C1GALT1: variants seen among roughly 807,000 people sequenced by gnomAD.
C1GALT1 encodes core 1 synthase, glycoprotein-N-acetylgalactosamine 3-beta-galactosyltransferase 1, also known as glycoprotein-N-acetylgalactosamine 3-beta-galactosyltransferase 1.
In C1GALT1, 11 loss-of-function variants were observed where a neutral mutation model predicts 31.0. The observed-to-expected ratio is 0.36, with a 90% CI of 0.22 to 0.59. The LOEUF is 0.59. Among genes scored for constraint, C1GALT1 ranks in the 20% least tolerant of loss-of-function variants. The pLI, the probability that C1GALT1 is intolerant of heterozygous loss-of-function variation, is 0.79. For missense variants in C1GALT1, 424 were observed against 425.2 expected, an observed-to-expected ratio of 1.00 and a Z score of 0.03; for synonymous variants, 175 against 143.6, an observed-to-expected ratio of 1.22 and a Z score of -1.56.
intron 1 of C1GALT1, among the ~76,000 whole-genome samples, chr7:7,208,546 A>G (rs1781852975): frequency 6.6e-6 from 1 of 152,172 alleles, no homozygotes; most frequent in Non-Finnish European, 1.5e-5. Flanking sequence ...CCTAAAAAAA[A>G]AGGAAAAGGA....
intron 1 of C1GALT1, 59 bp downstream of exon 1, chr7:7,182,879 TC>T: frequency 2.0e-6 from 2 of 976,378 alleles, no homozygotes; most frequent in Non-Finnish European, 2.4e-6. Context: ...CCCCTCGCCC[TC>T]CCCCCTCTCC....
At chr7:7,230,501 A>G (rs531890997) in intron 1 of C1GALT1, among the ~76,000 whole-genome samples, 14 of 151,994 alleles carry the variant, frequency 9.2e-5, no homozygotes, top group African/African-American at 2.9e-4. Context: ...CTGGCTGGCA[A>G]TCTTTATTTT....
At chr7:7,236,105 A>G (rs568507582) in intron 2 of C1GALT1, among the ~76,000 whole-genome samples, 1 of 152,346 alleles carries the variant, frequency 6.6e-6, no homozygotes, top group Admixed American at 6.5e-5. Context: ...TTCCTTCAGC[A>G]CATTGAATCC....
At chr7:7,190,061 G>T (rs560969822) in intron 1 of C1GALT1, among the ~76,000 whole-genome samples, 12 of 152,178 alleles carry the variant, frequency 7.9e-5, no homozygotes, top group Admixed American at 7.8e-4. Context: ...AGACCACCAG[G>T]GACACATCTG....
Position 7,238,519 on chromosome 7 carries a change from C to G in C1GALT1, c.485C>G (p.Ala162Gly). The change falls in exon 3 of 4, where the codon GCT becomes GGT. Residue 162 changes from alanine to glycine, a missense_variant. By Grantham distance (60) the Ala-to-Gly change is moderately conservative (BLOSUM62 0). This residue lies in a region of C1GALT1 where 44 missense variants were observed against 78.3 expected (regional missense o/e 0.56). Coordinates refer to ENST00000436587, the MANE Select transcript of C1GALT1 (RefSeq NM_020156.5). The surrounding 1 kb of genome is among the most constrained non-coding windows in gnomAD (Gnocchi z 5.2). ...GTTCATGAACATTATTTAGAAGATG[C>G]TGATTGGTTTTTGAAAGCAGATGAT... ...QYVHEHYLED[A>G]DWFLKADDDT... 6 of 1,614,086 alleles carry G rather than the reference C, an allele frequency of 3.7e-6. No individual in the cohort carries two copies. The highest frequency in any genetic ancestry group is 4.2e-6 in the Non-Finnish European group (5 of 1,179,980).
At chr7:7,206,606 G>A (rs543208336) in intron 1 of C1GALT1, among the ~76,000 whole-genome samples, 99 of 151,724 alleles carry the variant, frequency 6.5e-4, no homozygotes, top group Non-Finnish European at 1.2e-3. Flanking sequence ...AAACCAGGAG[G>A]CGGTGGTTGC....
chr7:7,247,088 G>T lies in C1GALT1; in HGVS notation c.*3361G>T, dbSNP rs1263865250. ...AGTGTCATCAAAAAGGTCCACAATT[G>T]TTAGTAAAAAAAATTAAATTGAAGT... On this transcript the variant is annotated 3_prime_UTR_variant, in exon 4 of 4. Coordinates refer to ENST00000436587, the MANE Select transcript of C1GALT1 (RefSeq NM_020156.5). 1 of 151,984 alleles carries T rather than the reference G, an allele frequency of 6.6e-6. No individual in the cohort carries two copies. 9.4% of individuals were successfully genotyped at this position (151,984 alleles called of 1,614,324 possible). A position where few individuals can be genotyped will look rare whatever the true frequency, so the allele number is the denominator to read the frequency against.
chr7:7,174,020 C>T (rs1780479838), intron 2 of C1GALT1, among the ~76,000 whole-genome samples: 3 of 152,146 alleles, frequency 2.0e-5, no homozygotes. Flanking sequence ...CTGCCAAATT[C>T]ACTTTCTGGT....
chr7:7,189,368 A>G (rs553176096), intron 1 of C1GALT1, among the ~76,000 whole-genome samples: 116 of 152,308 alleles, frequency 7.6e-4, no homozygotes, highest in African/African-American at 2.7e-3. Flanking sequence ...AAAAGACAGT[A>G]AAAGTATGTA....
chr7:7,194,333 C>T (rs1781197362), intron 1 of C1GALT1, among the ~76,000 whole-genome samples: 1 of 151,856 alleles, frequency 6.6e-6, no homozygotes, highest in African/African-American at 2.4e-5. Context: ...CTTTTATTAC[C>T]TTAAGGCATC....
intron 1 of C1GALT1, among the ~76,000 whole-genome samples, chr7:7,185,159 TGAAAG>T (rs1780756777): frequency 1.3e-5 from 2 of 152,138 alleles, no homozygotes; most frequent in South Asian, 4.1e-4. Context: ...TGGGGGAAAC[TGAAAG>T]GAAAGTCTAA....
intron 1 of C1GALT1, among the ~76,000 whole-genome samples, chr7:7,228,444 G>T (rs958284923): frequency 1.3e-5 from 2 of 152,084 alleles, no homozygotes; most frequent in Non-Finnish European, 2.9e-5. Flanking sequence ...CCAATTCAAA[G>T]AAATAGTATT....
At chr7:7,189,999 T>C (rs531276393) in intron 1 of C1GALT1, among the ~76,000 whole-genome samples, 47 of 152,264 alleles carry the variant, frequency 3.1e-4, no homozygotes, top group African/African-American at 1.1e-3. Flanking sequence ...TTGTTTTCCA[T>C]AGAGTCTTTA....
intron 1 of C1GALT1, among the ~76,000 whole-genome samples, chr7:7,198,367 A>T (rs1479760747): frequency 6.6e-6 from 1 of 152,220 alleles, no homozygotes; most frequent in African/African-American, 2.4e-5. Flanking sequence ...CCAGCCTTGC[A>T]TCCCAGGGAT....
chr7:7,211,899 CAATT>C (rs577865767), intron 1 of C1GALT1, among the ~76,000 whole-genome samples: 149 of 152,242 alleles, frequency 9.8e-4, no homozygotes, highest in African/African-American at 3.4e-3. Context: ...AGCTTAAAAA[CAATT>C]AATGAGACTA....
chr7:7,226,964 C>G (rs1233886605), intron 1 of C1GALT1, among the ~76,000 whole-genome samples: 1 of 152,034 alleles, frequency 6.6e-6, no homozygotes, highest in Non-Finnish European at 1.5e-5. Context: ...ATGTGTGTAT[C>G]CATGCTGATT....
chr7:7,242,325 G>C (rs540807337), intron 3 of C1GALT1, among the ~76,000 whole-genome samples: 18 of 145,354 alleles, frequency 1.2e-4, no homozygotes, highest in African/African-American at 4.6e-4. Flanking sequence ...TTTCCTATTT[G>C]CTTTTATTCT....
chr7:7,226,113 TAAA>T (rs1234868344), intron 1 of C1GALT1, among the ~76,000 whole-genome samples: 1 of 152,118 alleles, frequency 6.6e-6, no homozygotes, highest in Admixed American at 6.6e-5. Context: ...GAAAAAAACA[TAAA>T]AATTTCTAAC....
chr7:7,207,656 A>G (rs1781809837), intron 1 of C1GALT1, among the ~76,000 whole-genome samples: 1 of 151,166 alleles, frequency 6.6e-6, no homozygotes, highest in Non-Finnish European at 1.5e-5. Context: ...TCTTTCTTTT[A>G]GTGGGCCATA....
Sources: allele counts gnomAD v4.1 joint callset (sites outside exome capture counted in the v4.1 genomes callset), GRCh38; gene constraint gnomAD v4.1.1; regional missense constraint gnomAD v4.1.1; non-coding constraint Gnocchi (gnomAD v3.1); transcripts MANE v1.5; gene names NCBI Gene and HGNC (gene_info 2026-07-23, HGNC 2026-07-21).